The following WWOX variants were observed in gnomAD, a reference collection of about 807,000 sequenced individuals.
WWOX encodes WW domain containing oxidoreductase, also known as WW domain-containing oxidoreductase.
Under a neutral mutation model 46.2 loss-of-function variants are expected in WWOX, and 69 were observed. The observed-to-expected ratio is 1.49, with a 90% CI of 1.23 to 1.82. WWOX has a LOEUF of 1.82. Among genes scored for constraint, WWOX ranks in the 40% most tolerant of loss-of-function variants. The pLI is 0.00. For missense variants in WWOX, 919 were observed against 542.6 expected, an observed-to-expected ratio of 1.69 and a Z score of -6.89; for synonymous variants, 359 against 202.6, an observed-to-expected ratio of 1.77 and a Z score of -6.56.
In WWOX at chr16:78,326,584, CCCCCCG is replaced by C. The variant is rs1410800462; in HGVS notation, c.517-60274_517-60269del. Among the ~76,000 whole-genome samples, 3 of 100,808 alleles carry C rather than the reference CCCCCCG, an allele frequency of 3.0e-5. 1 individual carries two copies. The highest frequency in any genetic ancestry group is 9.9e-5 in the Admixed American group (1 of 10,080). 66.1% of individuals were successfully genotyped at this position (100,808 alleles called of 152,430 possible). ...TCTGCCTGCCCTCCCCCCGCCCCCCCCCCCCGCAATGCCTCAATCTGTGGCAGAGTT... is the reference window on the plus strand; with the variant it reads ...TCTGCCTGCCCTCCCCCCGCCCCCCCCAATGCCTCAATCTGTGGCAGAGTT... On this transcript the variant is annotated intron_variant, in intron 5 of 8. Transcript: ENST00000566780.
chr16:79,189,152 T>C (rs555351702), intron 8 of WWOX, among the ~76,000 whole-genome samples: 2 of 152,316 alleles, frequency 1.3e-5, no homozygotes, highest in Admixed American at 1.3e-4. Context: ...CATTGGACTT[T>C]CTGTTTCCAG....
At chr16:78,743,173 C>T (rs1256874411) in intron 8 of WWOX, among the ~76,000 whole-genome samples, 2 of 152,036 alleles carry the variant, frequency 1.3e-5, no homozygotes, top group Admixed American at 6.6e-5. Context: ...AGTTCCCAGG[C>T]AAGGTTCATG....
intron 8 of WWOX, among the ~76,000 whole-genome samples, chr16:78,956,438 A>G (rs1196933127): frequency 6.6e-6 from 1 of 152,122 alleles, no homozygotes; most frequent in Non-Finnish European, 1.5e-5. Context: ...TACAGGCATG[A>G]GCCACCACTC....
intron 8 of WWOX, among the ~76,000 whole-genome samples, chr16:79,058,452 AGAAG>A (rs1249224116): frequency 6.6e-6 from 1 of 152,034 alleles, no homozygotes; most frequent in Non-Finnish European, 1.5e-5. Context: ...ATGTAGTGAG[AGAAG>A]GAAGGAAGAG....
chr16:78,757,109 G>A (rs73573726), intron 8 of WWOX: 4 of 690,838 alleles, frequency 5.8e-6, no homozygotes, highest in Non-Finnish European at 1.1e-5. Flanking sequence ...AACTTTATTT[G>A]AGCCCCTATC....
chr16:78,763,747 T>G (rs1016155144), intron 8 of WWOX, among the ~76,000 whole-genome samples: 1 of 152,216 alleles, frequency 6.6e-6, no homozygotes, highest in East Asian at 1.9e-4. Flanking sequence ...CTTTTGATTC[T>G]TCTTTTCACC....
chr16:79,090,431 A>G (rs553786652), intron 8 of WWOX, among the ~76,000 whole-genome samples: 1 of 152,210 alleles, frequency 6.6e-6, no homozygotes, highest in African/African-American at 2.4e-5. Flanking sequence ...CTCTATGTGC[A>G]ATACCTAGTG....
intron 8 of WWOX, among the ~76,000 whole-genome samples, chr16:78,470,394 C>T (rs1005987157): frequency 2.0e-5 from 3 of 152,174 alleles, no homozygotes; most frequent in Non-Finnish European, 4.4e-5. Flanking sequence ...TACCTTTTCC[C>T]CCTCAAGATC....
chr16:78,408,321 A>G (rs2082597978), intron 6 of WWOX, among the ~76,000 whole-genome samples: 2 of 152,130 alleles, frequency 1.3e-5, no homozygotes. Flanking sequence ...GTGCATGCTC[A>G]CAAAGTAATT....
intron 8 of WWOX, among the ~76,000 whole-genome samples, chr16:78,555,354 T>C (rs540760882): frequency 1.3e-5 from 2 of 152,260 alleles, no homozygotes; most frequent in African/African-American, 2.4e-5. Context: ...ATCCTTAATA[T>C]TGTACATTTG....
chr16:79,152,257 G>A (rs7201278), intron 8 of WWOX, among the ~76,000 whole-genome samples: 2 of 152,308 alleles, frequency 1.3e-5, no homozygotes, highest in East Asian at 3.9e-4. Flanking sequence ...ATGAGGCAGA[G>A]AAGGGTACAG....
At chr16:79,056,063 A>G (rs1388005639) in intron 8 of WWOX, among the ~76,000 whole-genome samples, 1 of 151,540 alleles carries the variant, frequency 6.6e-6, no homozygotes, top group Non-Finnish European at 1.5e-5. Flanking sequence ...TAATTTGAAT[A>G]GCTTAGCACA....
chr16:79,018,557 C>A (rs9932373), intron 8 of WWOX, among the ~76,000 whole-genome samples: 3 of 151,972 alleles, frequency 2.0e-5, no homozygotes, highest in Non-Finnish European at 4.4e-5. Flanking sequence ...GGGGAGTGGG[C>A]TGTCTGTATT....
At chr16:78,109,554 G>A (rs766646036) in intron 2 of WWOX, among the ~76,000 whole-genome samples, 2 of 152,150 alleles carry the variant, frequency 1.3e-5, no homozygotes, top group Non-Finnish European at 2.9e-5. Flanking sequence ...AATAAAATAG[G>A]TTTTCTTCAA....
chr16:78,837,874 A>T (rs1282424239), intron 8 of WWOX, among the ~76,000 whole-genome samples: 1 of 152,182 alleles, frequency 6.6e-6, no homozygotes, highest in South Asian at 2.1e-4. Flanking sequence ...TATAAAGGTA[A>T]GTATTATTGT....
intron 5 of WWOX, among the ~76,000 whole-genome samples, chr16:78,182,966 A>G (rs1328363010): frequency 2.5e-4 from 36 of 143,820 alleles, no homozygotes; most frequent in South Asian, 6.5e-4. Context: ...AAAAAAAAAA[A>G]AGAAAGAAAG....
intron 8 of WWOX, among the ~76,000 whole-genome samples, chr16:78,674,267 A>G (rs2047536347): frequency 6.8e-6 from 1 of 146,480 alleles, no homozygotes; most frequent in Non-Finnish European, 1.5e-5. Flanking sequence ...AACTCGTTCC[A>G]ACCAGTTCAT....
intron 8 of WWOX, among the ~76,000 whole-genome samples, chr16:79,002,677 G>A (rs73567378): frequency 0.017 from 2,596 of 152,210 alleles, 87 homozygotes; most frequent in African/African-American, 0.059. Context: ...ATCTTCACAA[G>A]CAAACTGGGA....
rs146738138 is a variant in WWOX at position 79,043,578 on chromosome 16, C to T, written c.1057-168030C>T. ...TGTGTAGTTAATTTGTTCCAAATTTCCATCCTGCATTATAACCCTAATGTT... is the reference window on the plus strand; with the variant it reads ...TGTGTAGTTAATTTGTTCCAAATTTTCATCCTGCATTATAACCCTAATGTT... On this transcript the variant is annotated intron_variant, in intron 8 of 8. Transcript: ENST00000566780. 3.0e-3 allele frequency among the ~76,000 whole-genome samples: 458 copies of T among 152,286 alleles called. 5 individuals are homozygous for T. Among genetic ancestry groups the T allele is most frequent in the Non-Finnish European group, 2.0e-3 (136 of 68,026 alleles).
Sources: allele counts gnomAD v4.1 joint callset (sites outside exome capture counted in the v4.1 genomes callset), GRCh38; gene constraint gnomAD v4.1.1; transcripts MANE v1.5; gene names NCBI Gene and HGNC (gene_info 2026-07-23, HGNC 2026-07-21).